The following MKX variants were observed in gnomAD, a reference collection of about 807,000 sequenced individuals.
MKX encodes the protein mohawk homeobox.
Under a neutral mutation model 36.0 loss-of-function variants are expected in MKX, and 13 were observed. That is an observed-to-expected ratio of 0.36 (90% CI 0.24 to 0.57). The LOEUF is 0.57. Ranked by LOEUF, MKX falls within the 20% of genes least tolerant of loss-of-function variation. MKX has a pLI of 0.79. For missense variants in MKX, 458 were observed against 456.4 expected (o/e 1.00, Z -0.03); for synonymous variants, 176 against 178.3 (o/e 0.99, Z 0.10).
chr10:27,706,685 A>G (rs938331438), intron 5 of MKX, among the ~76,000 whole-genome samples: 1 of 151,954 alleles, frequency 6.6e-6, no homozygotes, highest in Non-Finnish European at 1.5e-5. Flanking sequence ...TGTGCTTATT[A>G]ACTATTTGTA....
At chr10:27,678,728 G>A (rs1836199898) in intron 5 of MKX, among the ~76,000 whole-genome samples, 1 of 152,180 alleles carries the variant, frequency 6.6e-6, no homozygotes, top group South Asian at 2.1e-4. Context: ...TTTAAGATGA[G>A]GAGTCAACTT....
At chr10:27,680,372 A>AG (rs1254222122) in intron 5 of MKX, among the ~76,000 whole-genome samples, 82 of 20,336 alleles carry the variant, frequency 4.0e-3, no homozygotes, top group African/African-American at 9.4e-3. Flanking sequence ...AGAAAAGAAA[A>AG]AAAAAAAAAA....
At chr10:27,681,284 T>C (rs775040966) in intron 5 of MKX, among the ~76,000 whole-genome samples, 1 of 151,742 alleles carries the variant, frequency 6.6e-6, no homozygotes, top group Non-Finnish European at 1.5e-5. Flanking sequence ...CTGTCTCTAC[T>C]AAAAAATACA....
At chr10:27,688,522 C>T (rs568450829) in intron 5 of MKX, among the ~76,000 whole-genome samples, 1 of 152,192 alleles carries the variant, frequency 6.6e-6, no homozygotes, top group Non-Finnish European at 1.5e-5. Context: ...TTTGTTACTT[C>T]ATTTTCTCAA....
intron 5 of MKX, among the ~76,000 whole-genome samples, chr10:27,723,817 T>C (rs1834429897): frequency 6.6e-6 from 1 of 152,180 alleles, no homozygotes; most frequent in Admixed American, 6.5e-5. Context: ...ATCATGACTG[T>C]CTTGGCAGAA....
At position 27,687,714 on chromosome 10, in the gene MKX, A is replaced by C. The variant is rs190836890; in HGVS notation, c.839-12160T>G. On this transcript the variant is annotated intron_variant, in intron 5 of 6. Coordinates refer to ENST00000419761, the MANE Select transcript of MKX (RefSeq NM_173576.3). ...ATGCTAACTCATTCAGCATAGTCCC[A>C]CTTTCCAAGATTGCTCCTCTGTGAT... 5.7e-4 allele frequency among the ~76,000 whole-genome samples: 87 copies of C among 152,342 alleles called. 1 individual carries two copies. The highest frequency in any genetic ancestry group is 3.4e-3 in the Middle Eastern group (1 of 294).
At chr10:27,726,865 A>T (rs1834502047) in intron 5 of MKX, among the ~76,000 whole-genome samples, 1 of 152,164 alleles carries the variant, frequency 6.6e-6, no homozygotes, top group Admixed American at 6.6e-5. Flanking sequence ...TTTAAGGAGC[A>T]GACACACTAA....
chr10:27,692,873 G>A (rs1836480384), intron 5 of MKX, among the ~76,000 whole-genome samples: 1 of 152,162 alleles, frequency 6.6e-6, no homozygotes, highest in Non-Finnish European at 1.5e-5. Flanking sequence ...CGAGGTAGCT[G>A]GAGCTACATG....
chr10:27,703,697 A>G (rs1262108137), intron 5 of MKX, among the ~76,000 whole-genome samples: 1 of 152,172 alleles, frequency 6.6e-6, no homozygotes, highest in East Asian at 1.9e-4. Flanking sequence ...TCAGGAGTTC[A>G]TGACCAGCCT....
intron 3 of MKX, among the ~76,000 whole-genome samples, chr10:27,739,174 C>A (rs542434430): frequency 1.3e-5 from 2 of 152,100 alleles, no homozygotes; most frequent in East Asian, 3.9e-4. Flanking sequence ...AATCACATAC[C>A]ATTTTATACT....
At chr10:27,679,645 G>A (rs1836217220) in intron 5 of MKX, among the ~76,000 whole-genome samples, 1 of 152,156 alleles carries the variant, frequency 6.6e-6, no homozygotes, top group Admixed American at 6.5e-5. Flanking sequence ...GGAAAGCAAG[G>A]ACTCTAAAGA....
chr10:27,693,968 G>A (rs1213608870), intron 5 of MKX, among the ~76,000 whole-genome samples: 2 of 152,126 alleles, frequency 1.3e-5, no homozygotes, highest in African/African-American at 4.8e-5. Context: ...TAAGTCTCAT[G>A]AAATCTGATG....
At chr10:27,724,333 T>A (rs986076571) in intron 5 of MKX, among the ~76,000 whole-genome samples, 1 of 152,080 alleles carries the variant, frequency 6.6e-6, no homozygotes, top group Non-Finnish European at 1.5e-5. Context: ...CCGGAAGACA[T>A]GAAAAAAGTG....
chr10:27,699,059 C>T (rs1836606847), intron 5 of MKX, among the ~76,000 whole-genome samples: 1 of 152,184 alleles, frequency 6.6e-6, no homozygotes, highest in Non-Finnish European at 1.5e-5. Context: ...AATCCATACT[C>T]TATTTACTCT....
chr10:27,681,762 A>C (rs1260673851), intron 5 of MKX, among the ~76,000 whole-genome samples: 1 of 152,116 alleles, frequency 6.6e-6, no homozygotes, highest in African/African-American at 2.4e-5. Flanking sequence ...TCTACTAAAA[A>C]TACAAAAAAA....
rs753951786 is a variant in MKX, at chr10:27,674,488, T to C, written c.*741A>G. ...TTTTTTTTTAAACTTCAGCAGAACT[T>C]GAGAAACAAATCCAGATTAATTCTA... On this transcript the variant is annotated 3_prime_UTR_variant, in exon 7 of 7. Coordinates refer to ENST00000419761, the MANE Select transcript of MKX (RefSeq NM_173576.3). The C allele has an allele frequency of 6.6e-6, 1 of 152,246 alleles. No homozygotes were observed. The highest frequency in any genetic ancestry group is 1.5e-5 in the Non-Finnish European group (1 of 67,960). The allele number at this position is 152,246 out of a possible 1,614,324, so 9.4% of individuals were successfully genotyped here. A position where few individuals can be genotyped will look rare whatever the true frequency, so the allele number is the denominator to read the frequency against.
At chr10:27,745,133 G>GATGCGCGT (rs762305900) in intron 1 of MKX, among the ~76,000 whole-genome samples, 244 of 152,252 alleles carry the variant, frequency 1.6e-3, no homozygotes, top group Non-Finnish European at 3.1e-3. Context: ...CCTTCTCCGA[G>GATGCGCGT]CCACCCCAGC....
chr10:27,724,790 C>CAT (rs1263959719), intron 5 of MKX, among the ~76,000 whole-genome samples: 4 of 151,196 alleles, frequency 2.6e-5, no homozygotes, highest in Non-Finnish European at 5.9e-5. Context: ...CACACACACA[C>CAT]ACCCCGCAGA....
At chr10:27,726,634 C>T (rs180973100) in intron 5 of MKX, among the ~76,000 whole-genome samples, 104 of 151,576 alleles carry the variant, frequency 6.9e-4, no homozygotes, top group African/African-American at 2.4e-3. Flanking sequence ...ACTTGAAAAT[C>T]GATTTAGTTT....
Sources: allele counts gnomAD v4.1 joint callset (sites outside exome capture counted in the v4.1 genomes callset), GRCh38; gene constraint gnomAD v4.1.1; transcripts MANE v1.5; gene names NCBI Gene and HGNC (gene_info 2026-07-23, HGNC 2026-07-21).